The following MAP7 variants were observed in gnomAD, a reference collection of about 807,000 sequenced individuals.
MAP7 encodes microtubule associated protein 7.
MAP7 carries 52 observed loss-of-function variants against 94.8 expected under a neutral mutation model. That is an observed-to-expected ratio of 0.55 (90% CI 0.44 to 0.69). The LOEUF (loss-of-function observed/expected upper bound fraction) is 0.69, where lower values mean the gene tolerates loss of function less well. Ranked by LOEUF, MAP7 falls within the 30% of genes least tolerant of loss-of-function variation. The pLI is 0.00. For synonymous variants in MAP7, 350 were observed against 357.0 expected (o/e 0.98, Z 0.22); for missense variants, 940 against 964.6 (o/e 0.97, Z 0.34).
chr6:136,509,755 C>T (rs1476849658), intron 1 of MAP7, among the ~76,000 whole-genome samples: 1 of 152,152 alleles, frequency 6.6e-6, no homozygotes, highest in African/African-American at 2.4e-5. Flanking sequence ...TGGAGTATCA[C>T]GATGTTGCCC....
intron 1 of MAP7, among the ~76,000 whole-genome samples, chr6:136,507,727 C>T (rs1822005579): frequency 6.6e-6 from 1 of 152,174 alleles, no homozygotes; most frequent in Non-Finnish European, 1.5e-5. Context: ...AGATATTATT[C>T]TACCTAATCT....
intron 1 of MAP7, among the ~76,000 whole-genome samples, chr6:136,492,756 G>A: frequency 6.6e-6 from 1 of 151,932 alleles, no homozygotes; most frequent in African/African-American, 2.4e-5. Context: ...TGAAAACCAA[G>A]AGATAAAGAA....
intron 1 of MAP7, among the ~76,000 whole-genome samples, chr6:136,506,511 CT>C (rs1158728262): frequency 6.6e-6 from 1 of 151,854 alleles, no homozygotes; most frequent in Admixed American, 6.5e-5. Context: ...TGGGAAATTT[CT>C]GGAAACAATA....
intron 8 of MAP7, among the ~76,000 whole-genome samples, chr6:136,367,896 T>G (rs1161611370): frequency 6.6e-6 from 1 of 152,092 alleles, no homozygotes; most frequent in African/African-American, 2.4e-5. Context: ...TTTTTCTTTT[T>G]CTCAAAACAT....
At chr6:136,509,233 G>A (rs1442564143) in intron 1 of MAP7, among the ~76,000 whole-genome samples, 1 of 152,170 alleles carries the variant, frequency 6.6e-6, no homozygotes, top group Non-Finnish European at 1.5e-5. Context: ...TCCAGTGTCA[G>A]TGGCCAACAG....
intron 1 of MAP7, among the ~76,000 whole-genome samples, chr6:136,538,414 C>T (rs1301611343): frequency 7.9e-5 from 12 of 152,116 alleles, no homozygotes; most frequent in Admixed American, 5.9e-4. Flanking sequence ...AAAGTCACAA[C>T]GGGTGTTAGG....
intron 1 of MAP7, among the ~76,000 whole-genome samples, chr6:136,516,292 G>T (rs1035064491): frequency 1.3e-5 from 2 of 152,042 alleles, no homozygotes; most frequent in African/African-American, 4.8e-5. Flanking sequence ...CTCCGGAGTA[G>T]CTGAGACCAC....
At chr6:136,359,917 T>A (rs1427471028) in intron 14 of MAP7, 40 bp from the exon 15 acceptor site, 3 of 1,609,996 alleles carry the variant, frequency 1.9e-6, no homozygotes, top group Non-Finnish European at 2.5e-6. Flanking sequence ...AAAATTAGAG[T>A]TACAAGTGAA....
chr6:136,459,594 C>A (rs1232275540), intron 1 of MAP7, among the ~76,000 whole-genome samples: 1 of 152,068 alleles, frequency 6.6e-6, no homozygotes, highest in East Asian at 1.9e-4. Flanking sequence ...AGAAAGAAAT[C>A]CTGCCATATG....
intron 3 of MAP7, 21 bp from the exon 4 acceptor site, chr6:136,389,538 A>G: frequency 1.2e-6 from 2 of 1,605,302 alleles, no homozygotes; most frequent in South Asian, 2.2e-5. Flanking sequence ...GGTTAAAAAA[A>G]AAAAAAAAGA....
At chr6:136,475,506 TC>T (rs1321019018) in intron 1 of MAP7, among the ~76,000 whole-genome samples, 2 of 152,196 alleles carry the variant, frequency 1.3e-5, no homozygotes, top group African/African-American at 4.8e-5. Flanking sequence ...AGATTACAGC[TC>T]TTACTATGAA....
chr6:136,394,107 C>T (rs1781605579), intron 3 of MAP7, among the ~76,000 whole-genome samples: 1 of 151,598 alleles, frequency 6.6e-6, no homozygotes, highest in African/African-American at 2.4e-5. Context: ...CCTCAGCCTC[C>T]CGAGTGGCTG....
intron 3 of MAP7, among the ~76,000 whole-genome samples, chr6:136,391,690 A>G (rs1190004939): frequency 6.6e-6 from 1 of 150,580 alleles, no homozygotes; most frequent in African/African-American, 2.4e-5. Context: ...AAAAAAGCAT[A>G]TAGTATACAC....
Position 136,344,158 on chromosome 6 carries a change from G to T in MAP7, c.*70C>A. 1 of 789,458 alleles carries T rather than the reference G, an allele frequency of 1.3e-6. No individual in the cohort carries two copies. The highest frequency in any genetic ancestry group is 3.5e-5 in the Admixed American group (1 of 28,266). 48.9% of individuals were successfully genotyped at this position (789,458 alleles called of 1,614,324 possible). On this transcript the variant is annotated 3_prime_UTR_variant, in exon 18 of 18. Coordinates refer to ENST00000354570, the MANE Select transcript of MAP7 (RefSeq NM_003980.6). ...CGGGTGGAGGGGATGCTCCTTTATA[G>T]CAGGAAAGGAATTCCATTAATTGTA...
At chr6:136,480,607 A>C (rs1263841169) in intron 1 of MAP7, among the ~76,000 whole-genome samples, 2 of 135,696 alleles carry the variant, frequency 1.5e-5, no homozygotes, top group Non-Finnish European at 3.0e-5. Flanking sequence ...GCGCCACTGC[A>C]CTCCAGCCTG....
At chr6:136,456,873 A>AGAAG (rs1803407025) in intron 1 of MAP7, among the ~76,000 whole-genome samples, 3 of 150,178 alleles carry the variant, frequency 2.0e-5, no homozygotes, top group South Asian at 2.1e-4. Context: ...AAGAAGAAGA[A>AGAAG]ATACTTCAAA....
At chr6:136,363,311 G>A (rs1034163407) in intron 10 of MAP7, among the ~76,000 whole-genome samples, 7 of 152,218 alleles carry the variant, frequency 4.6e-5, no homozygotes, top group African/African-American at 9.6e-5. Context: ...GGCCTTACTC[G>A]GATTTAGGAA....
intron 1 of MAP7, among the ~76,000 whole-genome samples, chr6:136,446,360 A>C (rs570073281): frequency 3.3e-5 from 5 of 152,340 alleles, no homozygotes; most frequent in African/African-American, 1.2e-4. Context: ...GAAGATCATC[A>C]TCAGAGGTGG....
At chr6:136,365,541 G>A (rs1161289323) in intron 10 of MAP7, among the ~76,000 whole-genome samples, 194 bp downstream of exon 10, 5 of 152,118 alleles carry the variant, frequency 3.3e-5, no homozygotes, top group South Asian at 4.2e-4. Flanking sequence ...TTTACTTAGC[G>A]TTGCTAAGTA....
Sources: allele counts gnomAD v4.1 joint callset (sites outside exome capture counted in the v4.1 genomes callset), GRCh38; gene constraint gnomAD v4.1.1; transcripts MANE v1.5; gene names NCBI Gene and HGNC (gene_info 2026-07-23, HGNC 2026-07-21).